Variants in CDH12 observed in about 807,000 individuals in gnomAD.
CDH12 encodes the protein cadherin 12.
In CDH12, 41 loss-of-function variants were observed where a neutral mutation model predicts 74.1. The observed-to-expected ratio is 0.55, with a 90% CI of 0.43 to 0.72. CDH12 has a LOEUF of 0.72. Ranked by LOEUF, CDH12 falls within the 30% of genes least tolerant of loss-of-function variation. The pLI is 0.00. For synonymous variants in CDH12, 399 were observed against 355.0 expected, an observed-to-expected ratio of 1.12 and a Z score of -1.39; for missense variants, 945 against 977.2, an observed-to-expected ratio of 0.97 and a Z score of 0.44.
rs986828934 is a variant in CDH12, at chr5:21,850,334, G to C, written c.646+4337C>G. Among the ~76,000 whole-genome samples, 14 of 151,228 alleles carry C rather than the reference G, an allele frequency of 9.3e-5. No homozygotes were observed. The East Asian group carries it at 2.7e-3, about 29-fold the overall frequency. ...ATGAGGAGGAGCCAGGGGTAGTTGG[G>C]GGAGAATGAATAAGTAAGATGATGG... is the stretch of plus-strand genomic sequence containing the variant. On this transcript the variant is annotated intron_variant, in intron 7 of 14. Transcript: ENST00000382254.
intron 4 of CDH12, among the ~76,000 whole-genome samples, chr5:22,110,620 T>A (rs565236645): frequency 2.0e-5 from 3 of 152,156 alleles, no homozygotes; most frequent in African/African-American, 4.8e-5. Flanking sequence ...GAGTAATCAG[T>A]GTCATACATG....
chr5:21,892,149 T>C (rs7731961), intron 6 of CDH12, among the ~76,000 whole-genome samples: 99,281 of 152,082 alleles, frequency 0.65, 36,147 homozygotes, highest in Non-Finnish European at 0.8. Flanking sequence ...CTGAACTGTA[T>C]TTGGGGAGTA....
At chr5:21,870,651 T>C (rs1428257533) in intron 6 of CDH12, among the ~76,000 whole-genome samples, 1 of 152,174 alleles carries the variant, frequency 6.6e-6, no homozygotes, top group Non-Finnish European at 1.5e-5. Flanking sequence ...GGGTCCTCTT[T>C]CTGTTTGCTT....
chr5:22,417,975 A>T (rs1016425341), intron 2 of CDH12, among the ~76,000 whole-genome samples: 6 of 152,258 alleles, frequency 3.9e-5, no homozygotes, highest in African/African-American at 1.2e-4. Context: ...CCCTTTTTAA[A>T]AACTTTATTT....
chr5:21,890,756 A>G (rs1318009082), intron 6 of CDH12, among the ~76,000 whole-genome samples: 2 of 152,106 alleles, frequency 1.3e-5, no homozygotes, highest in African/African-American at 4.8e-5. Flanking sequence ...TTGAAAAACG[A>G]AATAACGCAA....
chr5:21,900,660 C>T (rs1025774522), intron 6 of CDH12, among the ~76,000 whole-genome samples: 1 of 152,160 alleles, frequency 6.6e-6, no homozygotes, highest in African/African-American at 2.4e-5. Context: ...CTGATTTGGA[C>T]TTTGAACAGA....
intron 1 of CDH12, among the ~76,000 whole-genome samples, chr5:22,754,973 A>C (rs1192353681): frequency 6.6e-6 from 1 of 152,270 alleles, no homozygotes; most frequent in South Asian, 2.1e-4. Context: ...TGCATTTCTC[A>C]CAGTCTCTAA....
intron 5 of CDH12, among the ~76,000 whole-genome samples, chr5:21,994,668 C>A (rs1237917829): frequency 6.6e-6 from 1 of 152,162 alleles, no homozygotes; most frequent in Non-Finnish European, 1.5e-5. Flanking sequence ...GGAAACAACT[C>A]TGTTTCTTCT....
At chr5:22,519,692 T>G (rs1736965238) in intron 1 of CDH12, among the ~76,000 whole-genome samples, 1 of 152,090 alleles carries the variant, frequency 6.6e-6, no homozygotes, top group East Asian at 1.9e-4. Context: ...TTATGGTAGT[T>G]GGGAACTTTC....
intron 11 of CDH12, among the ~76,000 whole-genome samples, chr5:21,772,324 G>A (rs1745365177): frequency 6.6e-6 from 1 of 152,048 alleles, no homozygotes; most frequent in South Asian, 2.1e-4. Context: ...GAGGCAAAGG[G>A]GATAGTGAGA....
At chr5:22,706,531 C>A (rs1743017946) in intron 1 of CDH12, among the ~76,000 whole-genome samples, 2 of 151,762 alleles carry the variant, frequency 1.3e-5, no homozygotes, top group Non-Finnish European at 2.9e-5. Flanking sequence ...ATTCCAAATT[C>A]AATTTAAATG....
At chr5:22,025,840 C>A (rs150729916) in intron 5 of CDH12, among the ~76,000 whole-genome samples, 20 of 152,262 alleles carry the variant, frequency 1.3e-4, no homozygotes, top group African/African-American at 4.8e-4. Context: ...TAACAAATCA[C>A]TTTTCTAGCT....
chr5:21,947,243 C>T (rs887637986), intron 6 of CDH12, among the ~76,000 whole-genome samples: 5 of 152,014 alleles, frequency 3.3e-5, no homozygotes, highest in Non-Finnish European at 7.4e-5. Flanking sequence ...GGGAGTGGGG[C>T]ACTGCTATAA....
At chr5:22,642,873 A>G (rs1209398967) in intron 1 of CDH12, among the ~76,000 whole-genome samples, 2 of 152,102 alleles carry the variant, frequency 1.3e-5, no homozygotes, top group Non-Finnish European at 2.9e-5. Flanking sequence ...ACGCAATTCA[A>G]TTTCGTCCTT....
intron 1 of CDH12, among the ~76,000 whole-genome samples, chr5:22,799,805 A>G (rs1216700656): frequency 6.6e-6 from 1 of 152,186 alleles, no homozygotes; most frequent in Non-Finnish European, 1.5e-5. Flanking sequence ...CAATATATTG[A>G]TATTTACAAC....
At chr5:22,025,445 G>A (rs951141985) in intron 5 of CDH12, among the ~76,000 whole-genome samples, 1 of 152,010 alleles carries the variant, frequency 6.6e-6, no homozygotes, top group Non-Finnish European at 1.5e-5. Flanking sequence ...ACACACTAAG[G>A]TGCATTTAAA....
intron 4 of CDH12, among the ~76,000 whole-genome samples, chr5:22,200,508 G>A (rs1016195320): frequency 6.6e-6 from 1 of 152,162 alleles, no homozygotes; most frequent in African/African-American, 2.4e-5. Context: ...CCAAACGTGT[G>A]TGAACAATTT....
chr5:22,108,064 T>C (rs182064703), intron 4 of CDH12, among the ~76,000 whole-genome samples: 14 of 152,350 alleles, frequency 9.2e-5, no homozygotes, highest in Admixed American at 9.2e-4. Flanking sequence ...ATTGTTTGGC[T>C]GTGTTCCCAC....
At chr5:22,161,537 A>AATC (rs1748350732) in intron 4 of CDH12, among the ~76,000 whole-genome samples, 3 of 151,346 alleles carry the variant, frequency 2.0e-5, no homozygotes. Context: ...TCTGTATCAT[A>AATC]ATAATAATAA....
Sources: allele counts gnomAD v4.1 joint callset (sites outside exome capture counted in the v4.1 genomes callset), GRCh38; gene constraint gnomAD v4.1.1; transcripts MANE v1.5; gene names NCBI Gene and HGNC (gene_info 2026-07-23, HGNC 2026-07-21).